The following PCDHGA11 variants were observed in gnomAD, a reference collection of about 807,000 sequenced individuals.
The protein encoded by PCDHGA11 is protocadherin gamma-A11.
PCDHGA11 carries 39 observed loss-of-function variants against 60.4 expected under a neutral mutation model. The ratio of observed to expected loss-of-function variants is 0.65; its 90% CI spans 0.50 to 0.84. The LOEUF is 0.84. PCDHGA11 is among the 40% of genes least tolerant of loss of function. The pLI is 0.00. For missense variants in PCDHGA11, 1,165 were observed against 1,197.7 expected, an observed-to-expected ratio of 0.97 and a Z score of 0.40; for synonymous variants, 533 against 510.3, an observed-to-expected ratio of 1.04 and a Z score of -0.60.
intron 2 of PCDHGA11, among the ~76,000 whole-genome samples, chr5:141,495,943 C>T (rs998665622): frequency 3.9e-5 from 6 of 152,010 alleles, no homozygotes; most frequent in African/African-American, 1.4e-4. Flanking sequence ...GTCTCTGTGC[C>T]TGTTGTCTTT....
At chr5:141,454,665 CA>C (rs2098795764) in intron 1 of PCDHGA11, among the ~76,000 whole-genome samples, 3 of 152,058 alleles carry the variant, frequency 2.0e-5, no homozygotes, top group Non-Finnish European at 4.4e-5. Flanking sequence ...CTCGGCCTCC[CA>C]AAACACTGGG....
intron 1 of PCDHGA11, among the ~76,000 whole-genome samples, chr5:141,453,310 T>C (rs566320120): frequency 6.6e-6 from 1 of 152,044 alleles, no homozygotes; most frequent in South Asian, 2.1e-4. Context: ...TTTATTTATT[T>C]ATTTTAGAGA....
At chr5:141,465,768 C>T (rs1414064889) in intron 1 of PCDHGA11, among the ~76,000 whole-genome samples, 1 of 151,916 alleles carries the variant, frequency 6.6e-6, no homozygotes, top group Non-Finnish European at 1.5e-5. Flanking sequence ...CATGTTTCAT[C>T]TCTTGTTACA....
chr5:141,473,680 C>T (rs888876529), intron 1 of PCDHGA11, among the ~76,000 whole-genome samples: 3 of 152,100 alleles, frequency 2.0e-5, no homozygotes, highest in Non-Finnish European at 2.9e-5. Flanking sequence ...CAGGGAAGGG[C>T]TGGGGTTCTG....
chr5:141,460,656 ACTGTAAACACAGT>A (rs2098994793), intron 1 of PCDHGA11, among the ~76,000 whole-genome samples: 1 of 152,086 alleles, frequency 6.6e-6, no homozygotes, highest in Admixed American at 6.6e-5. Flanking sequence ...CACATATGTA[ACTGTAAACACAGT>A]TATATATCTA....
At chr5:141,426,581 CCT>C (rs898552856) in intron 1 of PCDHGA11, 1 of 358,350 alleles carries the variant, frequency 2.8e-6, no homozygotes, top group Non-Finnish European at 5.6e-6. Flanking sequence ...TCTTCAAAAT[CCT>C]CTGTGTCATA....
At position 141,423,205 on chromosome 5, in the gene PCDHGA11, A is replaced by G; in HGVS notation, c.1978A>G (p.Thr660Ala). The change falls in exon 1 of 4, where the codon ACG (threonine) becomes GCG (alanine). Residue 660 changes from threonine (T) to alanine (A), a missense_variant. Transcript: ENST00000398587. The stretch of plus-strand genomic sequence containing the variant: ...CCAGCCCCCTCTCTCGGCCACCGTC[A>G]CGCTCACCGTGGCTGTGGCCGACAG... ...HGQPPLSATV[T>A]LTVAVADSIP... is the part of the protein sequence containing the mutation. 1 of 1,613,612 alleles carries G rather than the reference A, an allele frequency of 6.2e-7. No individual in the cohort carries two copies. The highest frequency in any genetic ancestry group is 1.1e-5 in the South Asian group (1 of 91,082).
chr5:141,460,795 G>GTA (rs2154567069), intron 1 of PCDHGA11, among the ~76,000 whole-genome samples: 1 of 151,608 alleles, frequency 6.6e-6, no homozygotes, highest in East Asian at 1.9e-4. Flanking sequence ...TACACACAAA[G>GTA]TATATATATG....
chr5:141,477,884 G>A lies in PCDHGA11; in HGVS notation c.2434-16923G>A. On this transcript the variant is annotated intron_variant, in intron 1 of 3. Transcript: ENST00000398587. The surrounding 1 kb of genome is among the most constrained non-coding windows in gnomAD (Gnocchi z 4.9). ...TCGAGGTACCTCAGCTGGCCACCTA[G>A]TGTCACGGGTGGTAGGCTGGGACGC... 6.2e-7 allele frequency: 1 copy of A among 1,614,190 alleles called. No homozygotes were observed. The highest frequency in any genetic ancestry group is 8.5e-7 in the Non-Finnish European group (1 of 1,180,036).
rs1340692426 is a variant in PCDHGA11 at position 141,485,025 on chromosome 5, A to C, written c.2434-9782A>C. ...CAAATCTACCCCGCCACCAGCAAAAACGGCGCGTAACCCTTGCGGCGCCGG... is the reference window on the plus strand; with the variant it reads ...CAAATCTACCCCGCCACCAGCAAAACCGGCGCGTAACCCTTGCGGCGCCGG... On this transcript the variant is annotated intron_variant, in intron 1 of 3. Transcript: ENST00000398587. This position sits in a 1 kb window ranked among gnomAD's most constrained non-coding sequence, Gnocchi z 5.7. 2 of 657,796 alleles carry C rather than the reference A, an allele frequency of 3.0e-6. No homozygotes were observed. The highest frequency in any genetic ancestry group is 5.4e-6 in the Non-Finnish European group (2 of 369,210). The allele number at this position is 657,796 out of a possible 1,614,324, so 40.7% of individuals were successfully genotyped here.
At chr5:141,462,540 TTTC>T (rs2099042260) in intron 1 of PCDHGA11, among the ~76,000 whole-genome samples, 1 of 152,204 alleles carries the variant, frequency 6.6e-6, no homozygotes, top group East Asian at 1.9e-4. Flanking sequence ...TCAGTGATCT[TTTC>T]TTCTTCAGTG....
intron 1 of PCDHGA11, among the ~76,000 whole-genome samples, chr5:141,458,227 G>T (rs2154566190): frequency 6.6e-6 from 1 of 152,284 alleles, no homozygotes; most frequent in South Asian, 2.1e-4. Context: ...TCCTTTCCCA[G>T]TCCATGCACC....
intron 1 of PCDHGA11, among the ~76,000 whole-genome samples, chr5:141,474,311 G>T (rs1374954373): frequency 1.3e-5 from 2 of 152,134 alleles, no homozygotes. Context: ...AAACTTTAAT[G>T]TGTTTTCAAA....
At position 141,491,413 on chromosome 5, in the gene PCDHGA11, G is replaced by A. The variant is rs1193417991; in HGVS notation, c.2434-3394G>A. 5.6e-6 allele frequency: 9 copies of A among 1,613,946 alleles called. No individual in the cohort carries two copies. Among genetic ancestry groups the A allele is most frequent in the Non-Finnish European group, 7.6e-6 (9 of 1,179,986 alleles). On this transcript the variant is annotated intron_variant, in intron 1 of 3. Transcript: ENST00000398587. The surrounding 1 kb of genome is among the most constrained non-coding windows in gnomAD (Gnocchi z 6.9). Reference sequence around the variant, plus strand: ...CCTTCAGGGAAACGCAGACGGGGACGGGGGTGGAGGGCAGTGCTGCAGGCG... The same window carrying A: ...CCTTCAGGGAAACGCAGACGGGGACAGGGGTGGAGGGCAGTGCTGCAGGCG...
intron 1 of PCDHGA11, among the ~76,000 whole-genome samples, chr5:141,445,332 A>G (rs1364481039): frequency 1.4e-4 from 22 of 152,140 alleles, no homozygotes; most frequent in Admixed American, 1.4e-3. Context: ...CCATCCAGAA[A>G]CAGTAAACAT....
rs113212669 is a variant in PCDHGA11 at position 141,465,048 on chromosome 5, A to T, written c.2434-29759A>T. 2.4e-3 allele frequency among the ~76,000 whole-genome samples: 362 copies of T among 151,344 alleles called. 4 individuals are homozygous for T. Among genetic ancestry groups the T allele is most frequent in the African/African-American group, 8.4e-3 (346 of 41,268 alleles). On this transcript the variant is annotated intron_variant, in intron 1 of 3. Transcript: ENST00000398587. ...TGAACCACCACAAATGACCCTATAT[A>T]TTTTTTTGAATTGTCTGTTCATGTC...
chr5:141,429,390 A>ATT (rs1561841316), intron 1 of PCDHGA11, among the ~76,000 whole-genome samples: 8 of 150,216 alleles, frequency 5.3e-5, no homozygotes, highest in African/African-American at 1.7e-4. Flanking sequence ...TTTTTTTTAA[A>ATT]AAAAATTGAG....
chr5:141,464,328 C>T (rs2099081878), intron 1 of PCDHGA11, among the ~76,000 whole-genome samples: 1 of 150,722 alleles, frequency 6.6e-6, no homozygotes, highest in Admixed American at 6.6e-5. Context: ...CTGTTCAACC[C>T]ATCTATGACT....
At chr5:141,450,653 A>AT (rs2098689237) in intron 1 of PCDHGA11, among the ~76,000 whole-genome samples, 1 of 151,192 alleles carries the variant, frequency 6.6e-6, no homozygotes, top group Non-Finnish European at 1.5e-5. Context: ...TGCCTGGCTA[A>AT]TTTTTGTACT....
Sources: gnomAD v4.1 joint callset for allele counts (sites outside exome capture counted in the v4.1 genomes callset) on GRCh38, gnomAD v4.1.1 for gene constraint, Gnocchi (gnomAD v3.1) non-coding constraint, MANE v1.5 for transcripts, NCBI Gene and HGNC (gene_info 2026-07-23, HGNC 2026-07-21) for gene names.